The following CRTC1 variants were observed in gnomAD, a reference collection of about 807,000 sequenced individuals.
The protein encoded by CRTC1 is CREB-regulated transcription coactivator 1.
Under a neutral mutation model 66.1 loss-of-function variants are expected in CRTC1, and 18 were observed. The ratio of observed to expected loss-of-function variants is 0.27; its 90% confidence interval spans 0.19 to 0.40. The LOEUF is 0.40. Ranked by LOEUF, CRTC1 falls within the 10% of genes least tolerant of loss-of-function variation. The pLI is 1.00. For missense variants in CRTC1, 669 were observed against 887.9 expected, an observed-to-expected ratio of 0.75 and a Z score of 3.13; for synonymous variants, 416 against 398.8, an observed-to-expected ratio of 1.04 and a Z score of -0.51.
At chr19:18,713,546 T>TGCACCCTTAGGCGTCCTCCTCGGGCCCC (rs2053438623) in intron 1 of CRTC1, among the ~76,000 whole-genome samples, 1 of 150,084 alleles carries the variant, frequency 6.7e-6, no homozygotes, top group African/African-American at 2.5e-5. Context: ...GCTGAGGCCC[T>TGCACCCTTAGGCGTCCTCCTCGGGCCCC]GCACCCTTAG....
rs552053632 is a variant in CRTC1, at chr19:18,742,700, G to T, written c.127-210G>T. Among the ~76,000 whole-genome samples, 4 of 152,346 alleles carry T rather than the reference G, an allele frequency of 2.6e-5. No individual in the cohort carries two copies. The South Asian group carries it at 8.3e-4, about 32-fold the overall frequency. ...TGCATGGTGCATTGCCCCGCCTGGG[G>T]AGCCGTCCCGGCACCTCGGGTTTCT... On this transcript the variant is annotated intron_variant, in intron 1 of 13. Coordinates refer to ENST00000321949, the MANE Select transcript of CRTC1 (RefSeq NM_015321.3).
chr19:18,761,698 A>T (rs543640158), intron 8 of CRTC1, among the ~76,000 whole-genome samples: 1 of 152,242 alleles, frequency 6.6e-6, no homozygotes, highest in East Asian at 1.9e-4. Flanking sequence ...CCAGCCTGGG[A>T]GCTGGGTTGA....
At chr19:18,763,740 C>A (rs1473997634) in intron 8 of CRTC1, among the ~76,000 whole-genome samples, 12 of 152,226 alleles carry the variant, frequency 7.9e-5, no homozygotes, top group Admixed American at 7.9e-4. Flanking sequence ...GCCTCAGGCC[C>A]CACCCGCCCC....
Position 18,691,926 on chromosome 19 carries a change from C to T in CRTC1, c.126+8098C>T, listed in dbSNP as rs1017936624. Among the ~76,000 whole-genome samples the T allele has an allele frequency of 1.1e-4, 16 of 152,118 alleles. No homozygotes were observed. The South Asian group carries it at 2.5e-3, about 24-fold the overall frequency. ...ATGGGGTTCATCCTATTGGCCAGGC[C>T]GATCTCGAACTCCTGGCCTCAAATG... On this transcript the variant is annotated intron_variant, in intron 1 of 13. Coordinates refer to ENST00000321949, the MANE Select transcript of CRTC1 (RefSeq NM_015321.3).
At chr19:18,729,397 G>C (rs1412159016) in intron 1 of CRTC1, among the ~76,000 whole-genome samples, 3 of 148,534 alleles carry the variant, frequency 2.0e-5, no homozygotes, top group Admixed American at 2.0e-4. Context: ...CTGCACTCTA[G>C]CCTGGGCAAC....
chr19:18,768,500 G>C lies in CRTC1; in HGVS notation c.1027G>C (p.Ala343Pro), dbSNP rs754420459. The stretch of plus-strand genomic sequence containing the variant: ...TCTCCTGCAGGCTGTAGCCATGGAC[G>C]CCCTGTCTCTGGAGCAGCAGCTGCC... ...SPITQAVAMD[A>P]LSLEQQLPYA... Residue 343 changes from alanine (A) to proline (P), a missense_variant, in exon 10 of 14, where the codon GCC becomes CCC. Physicochemically the swap from Ala to Pro is conservative, Grantham distance 27. Transcript: ENST00000321949. The surrounding 1 kb of genome is among the most constrained non-coding windows in gnomAD (Gnocchi z 5.6). 3.1e-6 allele frequency: 5 copies of C among 1,609,308 alleles called. No homozygotes were observed. Among genetic ancestry groups the C allele is most frequent in the Non-Finnish European group, 4.2e-6 (5 of 1,179,236 alleles).
intron 1 of CRTC1, among the ~76,000 whole-genome samples, chr19:18,727,012 C>T (rs934262713): frequency 2.0e-5 from 3 of 151,412 alleles, no homozygotes; most frequent in Non-Finnish European, 2.9e-5. Flanking sequence ...TTTGGAAGGC[C>T]GAGGTGGGAG....
chr19:18,732,277 G>A (rs1271824361), intron 1 of CRTC1, among the ~76,000 whole-genome samples: 1 of 152,196 alleles, frequency 6.6e-6, no homozygotes, highest in African/African-American at 2.4e-5. Context: ...CATAAAGGGG[G>A]GGTCCCGATC....
intron 1 of CRTC1, among the ~76,000 whole-genome samples, chr19:18,712,303 G>C (rs1361488713): frequency 6.6e-6 from 1 of 152,018 alleles, no homozygotes. Context: ...CCGTTGCCCA[G>C]GCTGGAGTTC....
At chr19:18,761,673 C>T (rs1477430186) in intron 8 of CRTC1, among the ~76,000 whole-genome samples, 4 of 152,074 alleles carry the variant, frequency 2.6e-5, no homozygotes, top group Non-Finnish European at 5.9e-5. Flanking sequence ...CCTGGAGACT[C>T]CAGGGTGAAA....
chr19:18,693,485 G>GTT (rs907083923), intron 1 of CRTC1, among the ~76,000 whole-genome samples: 1 of 128,608 alleles, frequency 7.8e-6, no homozygotes, highest in Non-Finnish European at 1.6e-5. Flanking sequence ...TTTTGTTTTT[G>GTT]TTTTTTTTTT....
chr19:18,773,369 T>C (rs2054912684), intron 11 of CRTC1, among the ~76,000 whole-genome samples: 1 of 152,128 alleles, frequency 6.6e-6, no homozygotes, highest in African/African-American at 2.4e-5. Context: ...TTGGTCCAGT[T>C]TGTGGCTCTC....
chr19:18,696,323 G>A (rs746363148), intron 1 of CRTC1, among the ~76,000 whole-genome samples: 4 of 152,192 alleles, frequency 2.6e-5, no homozygotes, highest in Non-Finnish European at 4.4e-5. Flanking sequence ...ACGACAGTGG[G>A]TGGAGGGCCT....
chr19:18,771,475 G>A lies in CRTC1; in HGVS notation c.1354G>A (p.Gly452Ser), dbSNP rs772635719. 9.3e-6 allele frequency: 15 copies of A among 1,613,632 alleles called. No individual in the cohort carries two copies. The highest frequency in any genetic ancestry group is 3.3e-5 in the Admixed American group (2 of 59,974). ...TCTGCAGCAGTACCGCACTAGCGCC[G>A]GCTCCCCGGCCAACCAGTCTCCCAC... ...PALQQYRTSA[G>S]SPANQSPTSP... The change falls in exon 11 of 14, where the codon GGC becomes AGC. Residue 452 changes from glycine to serine, a missense_variant. Physicochemically the swap from Gly to Ser is moderately conservative, Grantham distance 56. This residue lies in a region of CRTC1 where 241 missense variants were observed against 242.2 expected (regional missense o/e 0.99). Transcript: ENST00000321949. The surrounding 1 kb of genome is among the most constrained non-coding windows in gnomAD (Gnocchi z 4.6).
In CRTC1 at chr19:18,765,550, C is replaced by G. The variant is rs545131351; in HGVS notation, c.1011+22C>G. 5.4e-5 allele frequency: 86 copies of G among 1,590,696 alleles called. No homozygotes were observed. The African/African-American group carries it at 9.2e-4, about 17-fold the overall frequency. On this transcript the variant is annotated intron_variant, in intron 9 of 13. Coordinates refer to ENST00000321949, the MANE Select transcript of CRTC1 (RefSeq NM_015321.3). ...TCAGGTGCGAGGGCAAGGTGGGGGGCAGGTGGGAGGGGGAAAGGGAAAGGT... is the reference window on the plus strand; with the variant it reads ...TCAGGTGCGAGGGCAAGGTGGGGGGGAGGTGGGAGGGGGAAAGGGAAAGGT...
intron 1 of CRTC1, among the ~76,000 whole-genome samples, chr19:18,689,992 T>C (rs1174900996): frequency 6.7e-6 from 1 of 149,048 alleles, no homozygotes; most frequent in Non-Finnish European, 1.5e-5. Flanking sequence ...TCAGGGGGAA[T>C]GATAGCTGGA....
At position 18,738,473 on chromosome 19, in the gene CRTC1, G is replaced by A. The variant is rs1012318311; in HGVS notation, c.127-4437G>A. Among the ~76,000 whole-genome samples the A allele has an allele frequency of 2.0e-5, 3 of 152,108 alleles. No individual in the cohort carries two copies. The South Asian group carries it at 6.2e-4, about 31-fold the overall frequency. On this transcript the variant is annotated intron_variant, in intron 1 of 13. Transcript: ENST00000321949. ...TAGGGCCTCCAGATGAGACCGTCCT[G>A]GATTAGGGTGGGCCTTTCTCTTTAA... is the stretch of plus-strand genomic sequence containing the variant.
intron 1 of CRTC1, among the ~76,000 whole-genome samples, chr19:18,694,919 G>A (rs1211769739): frequency 6.6e-6 from 1 of 151,350 alleles, no homozygotes; most frequent in African/African-American, 2.4e-5. Context: ...GAGAGAGGGA[G>A]TCTTGCTCCT....
At chr19:18,750,534 G>A (rs2145764474) in intron 5 of CRTC1, among the ~76,000 whole-genome samples, 1 of 152,354 alleles carries the variant, frequency 6.6e-6, no homozygotes, top group Middle Eastern at 3.4e-3. Flanking sequence ...TAAAAACTGG[G>A]GCGGTGCCAT....
Sources: gnomAD v4.1 joint callset for allele counts (sites outside exome capture counted in the v4.1 genomes callset) on GRCh38, gnomAD v4.1.1 for gene constraint, gnomAD v4.1.1 regional missense constraint, Gnocchi (gnomAD v3.1) non-coding constraint, MANE v1.5 for transcripts, NCBI Gene and HGNC (gene_info 2026-07-23, HGNC 2026-07-21) for gene names.